Variants in MBOAT1 observed in about 807,000 individuals in gnomAD.
MBOAT1 encodes membrane-bound glycerophospholipid O-acyltransferase 1.
Under a neutral mutation model 64.4 loss-of-function variants are expected in MBOAT1, and 67 were observed. The observed-to-expected ratio is 1.04, with a 90% CI of 0.85 to 1.27. The LOEUF is 1.27. Ranked by LOEUF, MBOAT1 falls within the 50% of genes most tolerant of loss-of-function variation. MBOAT1 has a pLI of 0.00. For missense variants in MBOAT1, 563 were observed against 604.6 expected, an observed-to-expected ratio of 0.93 and a Z score of 0.72; for synonymous variants, 229 against 218.9, an observed-to-expected ratio of 1.05 and a Z score of -0.41.
intron 4 of MBOAT1, among the ~76,000 whole-genome samples, chr6:20,143,998 A>G (rs1157949046): frequency 2.0e-5 from 3 of 152,230 alleles, no homozygotes; most frequent in African/African-American, 2.4e-5. Flanking sequence ...CAGGACAGAT[A>G]TGGCGCACAG....
intron 4 of MBOAT1, among the ~76,000 whole-genome samples, chr6:20,141,450 C>T (rs1399103837): frequency 2.7e-5 from 4 of 147,894 alleles, no homozygotes; most frequent in African/African-American, 9.9e-5. Flanking sequence ...CAGCCCCAGT[C>T]TCAGGCTCAA....
In MBOAT1 at chr6:20,144,304, A is replaced by G; in HGVS notation, c.335T>C (p.Phe112Ser). Residue 112 changes from phenylalanine to serine, a missense_variant, in exon 4 of 13, where the codon TTT becomes TCT. Phe to Ser is a radical substitution (Grantham distance 155). Transcript: ENST00000324607. ...TATTGTAAGATATCCCATTGCTACA[A>G]AAAAGGAATATCTGAAAGCAAAAAC... ...SVSNIHRYSF[F>S]VAMGYLTICH... The G allele has an allele frequency of 6.2e-7, 1 of 1,608,466 alleles. No individual in the cohort carries two copies. Among genetic ancestry groups the G allele is most frequent in the Non-Finnish European group, 8.5e-7 (1 of 1,175,986 alleles).
chr6:20,105,490 C>T (rs146736407), intron 12 of MBOAT1, among the ~76,000 whole-genome samples: 36 of 152,320 alleles, frequency 2.4e-4, no homozygotes, highest in Middle Eastern at 6.8e-3. Context: ...TCTGGCCAGG[C>T]GCAGTGGCTC....
At chr6:20,109,825 T>C (rs1294617918) in intron 11 of MBOAT1, 76 bp from the exon 12 acceptor site, 15 of 1,446,696 alleles carry the variant, frequency 1.0e-5, no homozygotes, top group African/African-American at 5.6e-5. Flanking sequence ...TGCATGCAGA[T>C]AGTATGCCAC....
intron 1 of MBOAT1, among the ~76,000 whole-genome samples, chr6:20,208,095 G>T (rs944980959): frequency 2.0e-5 from 3 of 152,226 alleles, no homozygotes; most frequent in South Asian, 4.1e-4. Flanking sequence ...CTGAAGGTTG[G>T]GCTTTGCAAG....
intron 1 of MBOAT1, among the ~76,000 whole-genome samples, chr6:20,190,426 T>C (rs1762772559): frequency 6.6e-6 from 1 of 152,202 alleles, no homozygotes; most frequent in African/African-American, 2.4e-5. Context: ...ATAACCTCTG[T>C]CTTTATTTTA....
At chr6:20,209,714 G>A (rs1371484139) in intron 1 of MBOAT1, among the ~76,000 whole-genome samples, 1 of 152,142 alleles carries the variant, frequency 6.6e-6, no homozygotes, top group Non-Finnish European at 1.5e-5. Context: ...ACTCTCTAAT[G>A]GGACAGGAGC....
At chr6:20,128,678 A>G (rs1760729254) in intron 6 of MBOAT1, 21 bp downstream of exon 6, 5 of 1,590,332 alleles carry the variant, frequency 3.1e-6, no homozygotes, top group East Asian at 4.5e-5. Flanking sequence ...GCTTGTTAAT[A>G]TATCGTTACA....
chr6:20,148,894 A>C (rs1761406024), intron 3 of MBOAT1, among the ~76,000 whole-genome samples: 1 of 152,034 alleles, frequency 6.6e-6, no homozygotes, highest in African/African-American at 2.4e-5. Flanking sequence ...CTAGGTCAAG[A>C]GATTGAGACC....
At chr6:20,186,473 A>G (rs1479752897) in intron 1 of MBOAT1, among the ~76,000 whole-genome samples, 1 of 152,196 alleles carries the variant, frequency 6.6e-6, no homozygotes, top group Non-Finnish European at 1.5e-5. Flanking sequence ...CAGAAAGAGA[A>G]ATGAGAGTGT....
At chr6:20,162,181 C>T (rs754849316) in intron 1 of MBOAT1, among the ~76,000 whole-genome samples, 1 of 152,142 alleles carries the variant, frequency 6.6e-6, no homozygotes, top group South Asian at 2.1e-4. Context: ...CTGAGGGACT[C>T]GGGGTTTAGG....
intron 1 of MBOAT1, among the ~76,000 whole-genome samples, chr6:20,177,783 A>C (rs920514165): frequency 2.1e-5 from 3 of 144,964 alleles, no homozygotes; most frequent in Admixed American, 7.2e-5. Flanking sequence ...CAAAAAAAAA[A>C]AAAAAAAACA....
chr6:20,130,179 C>T (rs939183978), intron 5 of MBOAT1, among the ~76,000 whole-genome samples: 2 of 152,154 alleles, frequency 1.3e-5, no homozygotes, highest in Non-Finnish European at 2.9e-5. Flanking sequence ...TGCACCTGGC[C>T]TCTCCAAAGC....
intron 2 of MBOAT1, among the ~76,000 whole-genome samples, chr6:20,152,227 T>G (rs1761513978): frequency 1.3e-5 from 2 of 152,000 alleles, no homozygotes; most frequent in Middle Eastern, 3.4e-3. Flanking sequence ...CTCAAGAGGC[T>G]GAGGCAGGAG....
intron 1 of MBOAT1, among the ~76,000 whole-genome samples, chr6:20,179,796 T>G (rs1762460154): frequency 6.6e-6 from 1 of 152,216 alleles, no homozygotes; most frequent in South Asian, 2.1e-4. Context: ...AAGTGCTCCT[T>G]TTTCTCCACA....
intron 1 of MBOAT1, among the ~76,000 whole-genome samples, chr6:20,184,618 T>C: frequency 6.6e-6 from 1 of 152,096 alleles, no homozygotes; most frequent in South Asian, 2.1e-4. Flanking sequence ...AAATGAACCA[T>C]GGAGGACACA....
chr6:20,111,562 T>C (rs1194478791), intron 11 of MBOAT1, among the ~76,000 whole-genome samples: 30 of 152,066 alleles, frequency 2.0e-4, no homozygotes, highest in Admixed American at 2.0e-3. Flanking sequence ...TTTATGCCAG[T>C]TGAAACCATA....
intron 4 of MBOAT1, among the ~76,000 whole-genome samples, chr6:20,132,755 C>G (rs533799601): frequency 3.3e-5 from 5 of 152,176 alleles, no homozygotes; most frequent in Non-Finnish European, 5.9e-5. Context: ...TCGAAGGACA[C>G]ACATCACCCA....
intron 1 of MBOAT1, among the ~76,000 whole-genome samples, chr6:20,180,008 C>T (rs1762466336): frequency 6.6e-6 from 1 of 152,098 alleles, no homozygotes; most frequent in African/African-American, 2.4e-5. Context: ...TTCAGCTCAC[C>T]AGAACATACA....
Sources: allele counts gnomAD v4.1 joint callset (sites outside exome capture counted in the v4.1 genomes callset), GRCh38; gene constraint gnomAD v4.1.1; transcripts MANE v1.5; gene names NCBI Gene and HGNC (gene_info 2026-07-23, HGNC 2026-07-21).